RAPGEF4: variants seen among roughly 807,000 people sequenced by gnomAD.
RAPGEF4 encodes RAP guanine-nucleotide-exchange factor (GEF) 4.
RAPGEF4 carries 66 observed loss-of-function variants against 147.9 expected under a neutral mutation model. The observed-to-expected ratio is 0.45, with a 90% CI of 0.37 to 0.55. RAPGEF4 has a LOEUF of 0.55. Among genes scored for constraint, RAPGEF4 ranks in the 20% least tolerant of loss-of-function variants. RAPGEF4 has a pLI of 0.00. For synonymous variants in RAPGEF4, 419 were observed against 442.7 expected (o/e 0.95, Z 0.67); for missense variants, 1,071 against 1,257.3 (o/e 0.85, Z 2.24).
chr2:172,855,494 A>G (rs192300548), intron 4 of RAPGEF4, among the ~76,000 whole-genome samples: 1 of 152,258 alleles, frequency 6.6e-6, no homozygotes, highest in Admixed American at 6.5e-5. Context: ...TCTGTTTTTC[A>G]TATTTCCCCA....
intron 4 of RAPGEF4, among the ~76,000 whole-genome samples, chr2:172,856,675 T>G (rs974982001): frequency 6.6e-6 from 1 of 152,340 alleles, no homozygotes; most frequent in Admixed American, 6.5e-5. Flanking sequence ...CTGAGTGGCT[T>G]GGAGTCTGCT....
intron 4 of RAPGEF4, among the ~76,000 whole-genome samples, chr2:172,852,826 C>T (rs1207264849): frequency 1.3e-5 from 2 of 152,024 alleles, no homozygotes; most frequent in East Asian, 1.9e-4. Flanking sequence ...AAAAATCACA[C>T]ATTGATATTA....
At position 173,020,686 on chromosome 2, in the gene RAPGEF4, G is replaced by C; in HGVS notation, c.2224G>C (p.Ala742Pro). ...TTLTINGRLF[A>P]CPREQFDSLT... is the part of the protein sequence containing the mutation. ...GCTCACCATTAATGGACGCCTGTTT[G>C]CTTGCCCGCGAGAGCAATTCGATTC... Residue 742 changes from alanine to proline, a missense_variant, in exon 23 of 31, where the codon GCT becomes CCT. Coordinates refer to ENST00000397081, the MANE Select transcript of RAPGEF4 (RefSeq NM_007023.4). 1 of 1,613,930 alleles carries C rather than the reference G, an allele frequency of 6.2e-7. No homozygotes were observed. Among genetic ancestry groups the C allele is most frequent in the Non-Finnish European group, 8.5e-7 (1 of 1,179,906 alleles).
chr2:172,900,069 A>G (rs1391708325), intron 4 of RAPGEF4, among the ~76,000 whole-genome samples: 5 of 152,190 alleles, frequency 3.3e-5, no homozygotes, highest in Admixed American at 2.6e-4. Flanking sequence ...GTGGGGACAG[A>G]GTTCCCCACT....
intron 4 of RAPGEF4, among the ~76,000 whole-genome samples, chr2:172,816,382 T>G (rs1328465151): frequency 6.6e-6 from 1 of 152,092 alleles, no homozygotes; most frequent in East Asian, 1.9e-4. Context: ...TGTCTGATTG[T>G]TTTTTTCATG....
At chr2:172,807,626 G>A (rs1351478774) in intron 3 of RAPGEF4, among the ~76,000 whole-genome samples, 2 of 152,114 alleles carry the variant, frequency 1.3e-5, no homozygotes, top group Non-Finnish European at 2.9e-5. Context: ...ATAATCCCAG[G>A]TGCTGTGAAA....
chr2:172,832,470 C>T (rs1690468065), intron 4 of RAPGEF4, among the ~76,000 whole-genome samples: 1 of 152,142 alleles, frequency 6.6e-6, no homozygotes, highest in Admixed American at 6.6e-5. Flanking sequence ...ATCTCAACTC[C>T]TCATTTTGTT....
chr2:173,016,309 G>A (rs753051087), intron 18 of RAPGEF4, 40 bp from the exon 19 acceptor site: 2 of 1,392,188 alleles, frequency 1.4e-6, no homozygotes, highest in Non-Finnish European at 2.0e-6. Flanking sequence ...TGTGCCTTTT[G>A]CAGTTCTTGT....
intron 4 of RAPGEF4, among the ~76,000 whole-genome samples, chr2:172,887,221 A>G (rs1202806932): frequency 6.6e-6 from 1 of 152,128 alleles, no homozygotes; most frequent in Non-Finnish European, 1.5e-5. Context: ...AAAAAGAAAA[A>G]AAAAGAAAAA....
chr2:172,761,469 A>G (rs1003724024), intron 1 of RAPGEF4, among the ~76,000 whole-genome samples: 6 of 151,876 alleles, frequency 4.0e-5, no homozygotes, highest in African/African-American at 1.2e-4. Flanking sequence ...CAAATGTGGG[A>G]AAAAAAAGAA....
chr2:172,794,361 A>AAG (rs1553510719), intron 1 of RAPGEF4, among the ~76,000 whole-genome samples: 1 of 151,144 alleles, frequency 6.6e-6, no homozygotes, highest in Non-Finnish European at 1.5e-5. Flanking sequence ...AAAAAAAAAA[A>AAG]AAAAGAAAAA....
chr2:172,847,592 G>A (rs1366991392), intron 4 of RAPGEF4, among the ~76,000 whole-genome samples: 1 of 152,180 alleles, frequency 6.6e-6, no homozygotes, highest in African/African-American at 2.4e-5. Context: ...GACCCTGAAT[G>A]CTGAAGCAGG....
intron 2 of RAPGEF4, among the ~76,000 whole-genome samples, chr2:172,796,192 A>G (rs1044817626): frequency 2.0e-4 from 31 of 152,178 alleles, no homozygotes; most frequent in African/African-American, 7.0e-4. Context: ...ACAAGAGGGC[A>G]TGAGTGTTTC....
At chr2:172,952,176 A>T (rs1266021731) in intron 6 of RAPGEF4, among the ~76,000 whole-genome samples, 1 of 151,556 alleles carries the variant, frequency 6.6e-6, no homozygotes, top group Non-Finnish European at 1.5e-5. Flanking sequence ...ACACCAGGCT[A>T]TTTTTTTTTA....
At chr2:172,772,476 T>C (rs1007099389) in intron 1 of RAPGEF4, among the ~76,000 whole-genome samples, 4 of 151,914 alleles carry the variant, frequency 2.6e-5, no homozygotes, top group Admixed American at 6.6e-5. Context: ...CCCGAGTACC[T>C]GGGATTACAG....
intron 4 of RAPGEF4, among the ~76,000 whole-genome samples, chr2:172,846,559 C>G (rs1244091264): frequency 6.6e-6 from 1 of 152,120 alleles, no homozygotes; most frequent in Non-Finnish European, 1.5e-5. Context: ...AAGATCTTCC[C>G]TCTCCCAGAT....
intron 3 of RAPGEF4, among the ~76,000 whole-genome samples, chr2:172,799,591 A>G (rs906986074): frequency 2.6e-5 from 4 of 152,120 alleles, no homozygotes; most frequent in African/African-American, 9.7e-5. Flanking sequence ...TTACCTGCAT[A>G]GATGTTCCCT....
intron 4 of RAPGEF4, among the ~76,000 whole-genome samples, chr2:172,905,672 G>A (rs3769268): frequency 0.016 from 2,486 of 152,336 alleles, 62 homozygotes; most frequent in East Asian, 0.11. Context: ...TTCTACTAGA[G>A]CTAAAGTTGT....
intron 5 of RAPGEF4, among the ~76,000 whole-genome samples, chr2:172,919,951 T>C (rs1212538309): frequency 6.6e-6 from 1 of 152,104 alleles, no homozygotes; most frequent in Non-Finnish European, 1.5e-5. Flanking sequence ...CAGTTCCCTC[T>C]GCAGCCACCT....
Sources: gnomAD v4.1 joint callset for allele counts (sites outside exome capture counted in the v4.1 genomes callset) on GRCh38, gnomAD v4.1.1 for gene constraint, MANE v1.5 for transcripts, NCBI Gene and HGNC (gene_info 2026-07-23, HGNC 2026-07-21) for gene names.